PTPRT: variants seen among roughly 807,000 people sequenced by gnomAD.
The protein encoded by PTPRT is receptor-type tyrosine-protein phosphatase T.
A neutral mutation model predicts 176.8 loss-of-function variants in PTPRT; 56 were observed. The observed-to-expected ratio is 0.32, with a 90% CI of 0.26 to 0.40. PTPRT has a LOEUF of 0.40. Ranked by LOEUF, PTPRT falls within the 10% of genes least tolerant of loss-of-function variation. The pLI is 1.00. For missense variants in PTPRT, 1,540 were observed against 1,908.2 expected (o/e 0.81, Z 3.60); for synonymous variants, 783 against 739.0 (o/e 1.06, Z -0.96).
chr20:42,356,726 A>T (rs1406688223), intron 9 of PTPRT, among the ~76,000 whole-genome samples: 1 of 152,050 alleles, frequency 6.6e-6, no homozygotes, highest in African/African-American at 2.4e-5. Context: ...AAATCCAATC[A>T]TGTCGTAAGA....
chr20:42,662,399 A>C (rs2075239719), intron 7 of PTPRT, among the ~76,000 whole-genome samples: 1 of 152,094 alleles, frequency 6.6e-6, no homozygotes. Context: ...GTAGGCCCCA[A>C]CCTCAGCTAC....
intron 1 of PTPRT, among the ~76,000 whole-genome samples, chr20:42,978,244 A>G (rs1017370892): frequency 3.3e-5 from 5 of 152,230 alleles, no homozygotes; most frequent in Non-Finnish European, 7.3e-5. Flanking sequence ...AATTATAATG[A>G]TATTCTGTAA....
At chr20:42,732,155 T>TC (rs1453932109) in intron 6 of PTPRT, among the ~76,000 whole-genome samples, 14 of 72,456 alleles carry the variant, frequency 1.9e-4, no homozygotes, top group Admixed American at 1.9e-4. Flanking sequence ...TTTAAACTTT[T>TC]CTAAAAAAAA....
At chr20:42,861,386 G>A (rs969311520) in intron 2 of PTPRT, among the ~76,000 whole-genome samples, 12 of 152,036 alleles carry the variant, frequency 7.9e-5, no homozygotes, top group African/African-American at 2.9e-4. Context: ...TTAAGACCCA[G>A]TGGGAAGTAT....
chr20:42,592,222 G>A (rs937946613), intron 7 of PTPRT, among the ~76,000 whole-genome samples: 12 of 150,904 alleles, frequency 8.0e-5, no homozygotes, highest in African/African-American at 2.7e-4. Flanking sequence ...TGATCCTCCC[G>A]CCTCAGCCTC....
chr20:42,713,324 G>C (rs6103007), intron 6 of PTPRT, among the ~76,000 whole-genome samples: 2,415 of 152,130 alleles, frequency 0.016, 60 homozygotes, highest in African/African-American at 0.054. Flanking sequence ...GAGTAACATT[G>C]CAATATTTTT....
At position 42,602,315 on chromosome 20, in the gene PTPRT, G is replaced by C. The variant is rs74512086; in HGVS notation, c.1153+75551C>G. 8.0e-3 allele frequency among the ~76,000 whole-genome samples: 1,222 copies of C among 152,238 alleles called. 10 individuals are homozygous for C. Among genetic ancestry groups the C allele is most frequent in the African/African-American group, 0.028 (1,168 of 41,518 alleles). On this transcript the variant is annotated intron_variant, in intron 7 of 30. Coordinates refer to ENST00000373187, the MANE Select transcript of PTPRT (RefSeq NM_007050.6). Reference sequence around the variant, plus strand: ...CTCCTGCAAGTCTTGGGAGAGACTGGAGCATTTCCATTAAGACCCTCATGC... The same window carrying C: ...CTCCTGCAAGTCTTGGGAGAGACTGCAGCATTTCCATTAAGACCCTCATGC...
Position 42,675,396 on chromosome 20 carries a change from A to G in PTPRT, c.1153+2470T>C, listed in dbSNP as rs115428610. 3.8e-3 allele frequency among the ~76,000 whole-genome samples: 577 copies of G among 152,350 alleles called. 6 individuals carry two copies. Among genetic ancestry groups the G allele is most frequent in the African/African-American group, 0.014 (563 of 41,584 alleles). ...CACAAAATTCATTTATGTTTTATATATATCGTAGGCAATCTTACATAATAT... is the reference window on the plus strand; with the variant it reads ...CACAAAATTCATTTATGTTTTATATGTATCGTAGGCAATCTTACATAATAT... On this transcript the variant is annotated intron_variant, in intron 7 of 30. Transcript: ENST00000373187.
chr20:42,849,502 C>A, intron 2 of PTPRT, among the ~76,000 whole-genome samples: 1 of 152,154 alleles, frequency 6.6e-6, no homozygotes, highest in East Asian at 1.9e-4. Flanking sequence ...CCCAAGAGGA[C>A]AATTTTGAAA....
Position 42,791,539 on chromosome 20 carries a change from A to T in PTPRT, c.215-73T>A, listed in dbSNP as rs1053185299. The T allele has an allele frequency of 4.1e-6, 6 of 1,460,646 alleles. No individual in the cohort carries two copies. In the African/African-American group the frequency reaches 8.4e-5, roughly 21 times the overall value. The allele number at this position is 1,460,646 out of a possible 1,614,324, so 90.5% of individuals were successfully genotyped here. ...GAAAATCCTTCTGAAAATCAGTCAC[A>T]CCCATAAACATGGTGGCCAGAGGAG... On this transcript the variant is annotated intron_variant, in intron 2 of 30. Coordinates refer to ENST00000373187, the MANE Select transcript of PTPRT (RefSeq NM_007050.6).
At chr20:42,469,206 T>C (rs2071151519) in intron 8 of PTPRT, among the ~76,000 whole-genome samples, 1 of 152,122 alleles carries the variant, frequency 6.6e-6, no homozygotes, top group Non-Finnish European at 1.5e-5. Flanking sequence ...GTACTTTAAT[T>C]ATTCCTTTTT....
intron 16 of PTPRT, among the ~76,000 whole-genome samples, chr20:42,173,570 A>G (rs1218971725): frequency 1.3e-5 from 2 of 152,174 alleles, no homozygotes. Flanking sequence ...TCCACAGCAT[A>G]GGTTGTATAA....
chr20:42,070,697 T>C (rs1982285812), downstream of PTPRT, among the ~76,000 whole-genome samples: 2 of 152,168 alleles, frequency 1.3e-5, no homozygotes, highest in South Asian at 2.1e-4. Flanking sequence ...TGTTTATGCA[T>C]AGAAAGGTCT....
chr20:43,111,294 C>T (rs532943179), intron 1 of PTPRT, among the ~76,000 whole-genome samples: 1 of 152,204 alleles, frequency 6.6e-6, no homozygotes, highest in South Asian at 2.1e-4. Context: ...AATCCAAGCA[C>T]TTTGGGAGGC....
chr20:42,817,765 C>T (rs1051623776), intron 2 of PTPRT, among the ~76,000 whole-genome samples: 6 of 152,208 alleles, frequency 3.9e-5, no homozygotes, highest in Admixed American at 1.3e-4. Flanking sequence ...CTGAGGCCAG[C>T]GTGCCTCTTC....
intron 25 of PTPRT, among the ~76,000 whole-genome samples, chr20:42,102,534 C>T (rs1380307953): frequency 1.3e-5 from 2 of 152,154 alleles, no homozygotes; most frequent in Non-Finnish European, 1.5e-5. Context: ...GCAGAAGCAG[C>T]GCATCCACAC....
At chr20:42,680,746 A>G (rs12479621) in intron 6 of PTPRT, among the ~76,000 whole-genome samples, 40,239 of 152,088 alleles carry the variant, frequency 0.26, 5,638 homozygotes, top group Non-Finnish European at 0.3. Flanking sequence ...GCAGTATTCA[A>G]TTGCTGACCA....
chr20:42,872,406 G>A (rs924222863), intron 2 of PTPRT, among the ~76,000 whole-genome samples: 9 of 152,206 alleles, frequency 5.9e-5, no homozygotes, highest in Non-Finnish European at 8.8e-5. Context: ...AACAGAGTAC[G>A]TGCCTTAAGC....
intron 1 of PTPRT, among the ~76,000 whole-genome samples, chr20:43,074,003 A>G (rs2146276284): frequency 6.6e-6 from 1 of 152,214 alleles, no homozygotes; most frequent in South Asian, 2.1e-4. Flanking sequence ...ATCCTCTCAC[A>G]TCAATCTCCC....
Sources: gnomAD v4.1 joint callset for allele counts (sites outside exome capture counted in the v4.1 genomes callset) on GRCh38, gnomAD v4.1.1 for gene constraint, MANE v1.5 for transcripts, NCBI Gene and HGNC (gene_info 2026-07-23, HGNC 2026-07-21) for gene names.